The following PUF60 variants were observed in gnomAD, a reference collection of about 807,000 sequenced individuals.
The protein encoded by PUF60 is poly(U)-binding-splicing factor PUF60.
In PUF60, 10 loss-of-function variants were observed where a neutral mutation model predicts 61.8. The observed-to-expected ratio is 0.16, with a 90% CI of 0.10 to 0.27. The LOEUF (loss-of-function observed/expected upper bound fraction) is 0.27, where lower values mean the gene tolerates loss of function less well. Among genes scored for constraint, PUF60 ranks in the 10% least tolerant of loss-of-function variants. The pLI, the probability that PUF60 is intolerant of heterozygous loss-of-function variation, is 1.00. For missense variants in PUF60, 371 were observed against 754.0 expected (o/e 0.49, Z 5.95); for synonymous variants, 353 against 300.9 (o/e 1.17, Z -1.79).
At chr8:143,827,187 TAAGA>T (rs780182277) in intron 1 of PUF60, 19 of 336,474 alleles carry the variant, frequency 5.6e-5, no homozygotes, top group Non-Finnish European at 9.3e-5. Flanking sequence ...AAGCACAGGA[TAAGA>T]AAGGAGTGGC....
intron 1 of PUF60, 77 bp downstream of exon 1, chr8:143,829,203 C>T (rs1818019126): frequency 3.2e-6 from 4 of 1,231,672 alleles, no homozygotes; most frequent in African/African-American, 1.6e-5. Flanking sequence ...CTTGGGAGGC[C>T]CTCCGCGCCC....
chr8:143,817,299 G>C lies in PUF60; in HGVS notation c.1144+32C>G, dbSNP rs1212604186. ...CGAGCCGAGAGATGCCAGGACAGGA[G>C]AGGAGAGGATCTGGTACCACTTAAG... is the stretch of plus-strand genomic sequence containing the variant. On this transcript the variant is annotated intron_variant, in intron 10 of 11. Coordinates refer to ENST00000526683, the MANE Select transcript of PUF60 (RefSeq NM_078480.3). This position sits in a 1 kb window ranked among gnomAD's most constrained non-coding sequence, Gnocchi z 7.4. The C allele has an allele frequency of 2.5e-6, 4 of 1,572,602 alleles. No individual in the cohort carries two copies. Among genetic ancestry groups the C allele is most frequent in the African/African-American group, 1.4e-5 (1 of 72,750 alleles).
In PUF60 at chr8:143,816,586, A is replaced by T. The variant is rs780211428; in HGVS notation, c.1614T>A (p.Ala538=). ...ACACTTCAGCCACCACCTTGCGGCC[A>T]GCAAACCAGCGGCCATTGAGGGCCT... ...AIQALNGRWF[A]GRKVVAEVYD... The change falls in exon 12 of 12, where the codon GCT becomes GCA. Residue 538 remains alanine, a synonymous_variant. Transcript: ENST00000526683. 24 of 1,613,706 alleles carry T rather than the reference A, an allele frequency of 1.5e-5. No homozygotes were observed. The highest frequency in any genetic ancestry group is 2.0e-5 in the Non-Finnish European group (24 of 1,179,872).
Position 143,824,422 on chromosome 8 carries a change from G to A in PUF60, c.25-23C>T, listed in dbSNP as rs767408075. On this transcript the variant is annotated intron_variant, in intron 1 of 11. Coordinates refer to ENST00000526683, the MANE Select transcript of PUF60 (RefSeq NM_078480.3). ...CTGCTGCAGGCAGGAAGGAGATGTT[G>A]TAACGACAGGCACACCACCCCACCG... 3.1e-6 allele frequency: 5 copies of A among 1,607,728 alleles called. No individual in the cohort carries two copies. In the African/African-American group the frequency reaches 4.0e-5, roughly 13 times the overall value.
chr8:143,819,715 C>T (rs1276024372), intron 5 of PUF60, among the ~76,000 whole-genome samples: 1 of 152,036 alleles, frequency 6.6e-6, no homozygotes, highest in Non-Finnish European at 1.5e-5. Flanking sequence ...CAGAGCAAGA[C>T]CCCCCCAAAG....
intron 1 of PUF60, among the ~76,000 whole-genome samples, chr8:143,825,622 C>T (rs969327419): frequency 1.3e-5 from 2 of 152,206 alleles, no homozygotes; most frequent in East Asian, 1.9e-4. Context: ...TCCTGGGACT[C>T]CAGGCATGCG....
In PUF60 at chr8:143,818,163, C is replaced by A. The variant is rs553094700; in HGVS notation, c.603+30G>T. 1 of 1,602,498 alleles carries A rather than the reference C, an allele frequency of 6.2e-7. No individual in the cohort carries two copies. The highest frequency in any genetic ancestry group is 8.5e-7 in the Non-Finnish European group (1 of 1,175,278). On this transcript the variant is annotated intron_variant, in intron 7 of 11. Coordinates refer to ENST00000526683, the MANE Select transcript of PUF60 (RefSeq NM_078480.3). The surrounding 1 kb of genome is among the most constrained non-coding windows in gnomAD (Gnocchi z 7.9). Reference sequence around the variant, plus strand: ...GTGGAGGGGCAGCCCTGCACGCCTGCGGGATCGAGGCCTTGGCTCCCTGCC... The same window carrying A: ...GTGGAGGGGCAGCCCTGCACGCCTGAGGGATCGAGGCCTTGGCTCCCTGCC...
In PUF60 at chr8:143,817,051, C is replaced by T. The variant is rs1282441742; in HGVS notation, c.1239G>A (p.Leu413=). Residue 413 remains leucine, a synonymous_variant, in exon 11 of 12, where the codon CTG becomes CTA. Transcript: ENST00000526683. This position sits in a 1 kb window ranked among gnomAD's most constrained non-coding sequence, Gnocchi z 7.4. ...ILASPPTLGL[L]EPKKEKEEEE... is the part of the protein sequence containing the mutation. ...CTTCTTCCTTCTCCTTCTTGGGCTC[C>T]AGGAGACCCAGCGTTGGAGGGCTGG... 1 of 1,611,322 alleles carries T rather than the reference C, an allele frequency of 6.2e-7. No individual in the cohort carries two copies. The highest frequency in any genetic ancestry group is 1.1e-5 in the South Asian group (1 of 90,598).
In PUF60 at chr8:143,824,255, C is replaced by CCCTCT. The variant is rs879320324; in HGVS notation, c.111+57_111+58insAGAGG. ...CTGGGCCCAGGGACGCACAGGCAGG[C>CCCTCT]GGGCGGGCGGGCGGGCAGGCGGGCG... On this transcript the variant is annotated intron_variant, in intron 2 of 11. Coordinates refer to ENST00000526683, the MANE Select transcript of PUF60 (RefSeq NM_078480.3). The CCCTCT allele has an allele frequency of 5.0e-3, 7,302 of 1,450,608 alleles. 24 individuals are homozygous for CCCTCT. The highest frequency in any genetic ancestry group is 5.7e-3 in the Non-Finnish European group (6,150 of 1,073,742). The allele number at this position is 1,450,608 out of a possible 1,614,324, so 89.9% of individuals were successfully genotyped here.
intron 2 of PUF60, among the ~76,000 whole-genome samples, chr8:143,824,013 TCCAGGCCCCGGCGTCCCCGCCC>T (rs1817326581): frequency 1.3e-5 from 2 of 152,324 alleles, no homozygotes; most frequent in South Asian, 4.1e-4. Context: ...ACGCGCGAGC[TCCAGGCCCCGGCGTCCCCGCCC>T]AGCCAGACTG....
intron 1 of PUF60, chr8:143,827,434 G>C (rs1586622282): frequency 2.2e-6 from 1 of 456,304 alleles, no homozygotes; most frequent in Non-Finnish European, 4.4e-6. Flanking sequence ...CCAGGCAGAA[G>C]GCATGCCCAT....
chr8:143,817,023 C>T lies in PUF60; in HGVS notation c.1267G>A (p.Glu423Lys), dbSNP rs1816397022. The T allele has an allele frequency of 5.0e-6, 8 of 1,610,036 alleles. No homozygotes were observed. The highest frequency in any genetic ancestry group is 6.8e-6 in the Non-Finnish European group (8 of 1,178,470). The change falls in exon 11 of 12, where the codon GAG becomes AAG. Residue 423 changes from glutamate to lysine, a missense_variant. By Grantham distance (56) the Glu-to-Lys change is moderately conservative. Transcript: ENST00000526683. The surrounding 1 kb of genome is among the most constrained non-coding windows in gnomAD (Gnocchi z 7.4). ...GGCCGCTCTGACTCGGGAAACAGCTCCTCTTCTTCCTTCTCCTTCTTGGGC... is the reference window on the plus strand; with the variant it reads ...GGCCGCTCTGACTCGGGAAACAGCTTCTCTTCTTCCTTCTCCTTCTTGGGC... Reference protein sequence around the residue: ...LEPKKEKEEEELFPESERPEM... With the variant: ...LEPKKEKEEEKLFPESERPEM...
Sources: gnomAD v4.1 joint callset for allele counts (sites outside exome capture counted in the v4.1 genomes callset) on GRCh38, gnomAD v4.1.1 for gene constraint, Gnocchi (gnomAD v3.1) non-coding constraint, MANE v1.5 for transcripts, NCBI Gene and HGNC (gene_info 2026-07-23, HGNC 2026-07-21) for gene names.